The following CSMD2 variants were observed in gnomAD, a reference collection of about 807,000 sequenced individuals.
The protein encoded by CSMD2 is CUB and Sushi multiple domains 2.
Under a neutral mutation model 398.5 loss-of-function variants are expected in CSMD2, and 130 were observed. The ratio of observed to expected loss-of-function variants is 0.33; its 90% CI spans 0.28 to 0.38. The LOEUF is 0.38. Among genes scored for constraint, CSMD2 ranks in the 10% least tolerant of loss-of-function variants. The pLI is 1.00. For missense variants in CSMD2, 3,829 were observed against 4,764.9 expected (o/e 0.80, Z 5.78); for synonymous variants, 1,828 against 1,908.5 (o/e 0.96, Z 1.10).
At chr1:33,592,593 C>A in intron 44 of CSMD2, 2 of 691,554 alleles carry the variant, frequency 2.9e-6, no homozygotes, top group South Asian at 1.6e-5. Flanking sequence ...CTGCAATTCT[C>A]AAACTACCTA....
At chr1:34,065,910 C>G (rs1156654583) in intron 2 of CSMD2, among the ~76,000 whole-genome samples, 1 of 152,080 alleles carries the variant, frequency 6.6e-6, no homozygotes, top group African/African-American at 2.4e-5. Flanking sequence ...TGGCTGTCAT[C>G]AGAAGTTCAG....
chr1:33,583,203 A>G (rs1389450669), intron 47 of CSMD2, among the ~76,000 whole-genome samples: 2 of 152,240 alleles, frequency 1.3e-5, no homozygotes, highest in African/African-American at 4.8e-5. Context: ...TTCTGCTATG[A>G]ATTTTTAGGG....
intron 12 of CSMD2, among the ~76,000 whole-genome samples, chr1:33,788,011 G>A (rs1262745312): frequency 6.6e-6 from 1 of 152,078 alleles, no homozygotes; most frequent in African/African-American, 2.4e-5. Context: ...AAATAAGTGA[G>A]GCCTCTTAAA....
In CSMD2 at chr1:33,537,617, G is replaced by A; in HGVS notation, c.9632-8C>T. 2 of 1,606,174 alleles carry A rather than the reference G, an allele frequency of 1.2e-6. No individual in the cohort carries two copies. The highest frequency in any genetic ancestry group is 1.7e-6 in the Non-Finnish European group (2 of 1,175,514). On this transcript the variant is annotated splice_region_variant and splice_polypyrimidine_tract_variant and intron_variant, in intron 60 of 70. Transcript: ENST00000373381. The surrounding 1 kb of genome is among the most constrained non-coding windows in gnomAD (Gnocchi z 4.6). ...GATCCCCGCAGAACACAGCTGGGAA[G>A]ACGAAGGGAGAAAGGCAGGTCTAAG... is the stretch of plus-strand genomic sequence containing the variant.
intron 28 of CSMD2, among the ~76,000 whole-genome samples, chr1:33,647,954 C>A (rs145326514): frequency 2.0e-5 from 3 of 152,182 alleles, no homozygotes; most frequent in African/African-American, 7.2e-5. Flanking sequence ...AAAGCCAACA[C>A]CATAGACATC....
chr1:33,646,399 T>C (rs1643428150), intron 29 of CSMD2, among the ~76,000 whole-genome samples: 1 of 152,180 alleles, frequency 6.6e-6, no homozygotes, highest in Non-Finnish European at 1.5e-5. Flanking sequence ...GGACTAGTGG[T>C]TGGAAATAGA....
At chr1:34,041,143 CATTT>C (rs1316307719) in intron 2 of CSMD2, among the ~76,000 whole-genome samples, 11 of 152,082 alleles carry the variant, frequency 7.2e-5, no homozygotes, top group African/African-American at 1.2e-4. Flanking sequence ...ATAAATGGGC[CATTT>C]ATTTATTTAT....
At chr1:33,648,810 A>G (rs1003013008) in intron 28 of CSMD2, among the ~76,000 whole-genome samples, 3 of 152,200 alleles carry the variant, frequency 2.0e-5, no homozygotes, top group African/African-American at 7.2e-5. Context: ...CATCCACTTT[A>G]CAGTCCTGAT....
At chr1:33,766,146 C>G (rs546795406) in intron 13 of CSMD2, among the ~76,000 whole-genome samples, 2 of 152,170 alleles carry the variant, frequency 1.3e-5, no homozygotes, top group Non-Finnish European at 2.9e-5. Context: ...CTATAGGAAC[C>G]ATTACAAACC....
At chr1:33,627,874 C>G (rs1395777788) in intron 32 of CSMD2, among the ~76,000 whole-genome samples, 1 of 152,202 alleles carries the variant, frequency 6.6e-6, no homozygotes, top group Non-Finnish European at 1.5e-5. Flanking sequence ...GGATAACGAC[C>G]CTAGTGAGCT....
At chr1:33,797,189 TA>T (rs1321006838) in intron 10 of CSMD2, among the ~76,000 whole-genome samples, 1 of 152,240 alleles carries the variant, frequency 6.6e-6, no homozygotes, top group Non-Finnish European at 1.5e-5. Context: ...TCTTGTGACC[TA>T]CTCCCTGTTC....
At chr1:33,883,844 G>A (rs1182152134) in intron 5 of CSMD2, among the ~76,000 whole-genome samples, 1 of 152,188 alleles carries the variant, frequency 6.6e-6, no homozygotes, top group Admixed American at 6.5e-5. Context: ...GAAGAGATTG[G>A]CAATGGCCAA....
chr1:33,572,708 A>T lies in CSMD2; in HGVS notation c.7577-17T>A. Reference sequence around the variant, plus strand: ...AGGAAAGAGCTAGCAAAAGGAAAACAATGTCATGAGCATTTGTTTTAAGAT... The same window carrying T: ...AGGAAAGAGCTAGCAAAAGGAAAACTATGTCATGAGCATTTGTTTTAAGAT... On this transcript the variant is annotated splice_polypyrimidine_tract_variant and intron_variant, in intron 49 of 70. Transcript: ENST00000373381. The T allele has an allele frequency of 6.3e-7, 1 of 1,590,894 alleles. No individual in the cohort carries two copies. The highest frequency in any genetic ancestry group is 8.6e-7 in the Non-Finnish European group (1 of 1,164,748).
At chr1:33,851,524 G>A (rs1367738679) in intron 5 of CSMD2, among the ~76,000 whole-genome samples, 1 of 152,078 alleles carries the variant, frequency 6.6e-6, no homozygotes, top group African/African-American at 2.4e-5. Context: ...CTTCCCACCT[G>A]TCACCTGCTT....
chr1:33,589,077 T>G (rs554213832), intron 44 of CSMD2, among the ~76,000 whole-genome samples: 19 of 152,352 alleles, frequency 1.2e-4, no homozygotes, highest in Non-Finnish European at 2.2e-4. Context: ...CTCGCTGAAA[T>G]GTATCGTACT....
rs180804621 is a variant in CSMD2 at position 33,648,179 on chromosome 1, G to C, written c.4587-1344C>G. On this transcript the variant is annotated intron_variant, in intron 28 of 70. Coordinates refer to ENST00000373381, the MANE Select transcript of CSMD2 (RefSeq NM_001281956.2). ...AGATCGAGACCATCCTGACTAACAC[G>C]GTGAAACCCCGTCTCTACTAAAAAT... 1.4e-3 allele frequency among the ~76,000 whole-genome samples: 210 copies of C among 152,134 alleles called. 4 individuals are homozygous for C. The East Asian group carries it at 0.035, about 25-fold the overall frequency.
At chr1:33,851,856 G>A (rs76251518) in intron 5 of CSMD2, among the ~76,000 whole-genome samples, 3,217 of 152,212 alleles carry the variant, frequency 0.021, 121 homozygotes, top group African/African-American at 0.073. Context: ...GGGACAAATG[G>A]AAGTTTCTTT....
At chr1:34,096,056 T>C (rs1287712543) in intron 1 of CSMD2, among the ~76,000 whole-genome samples, 1 of 151,732 alleles carries the variant, frequency 6.6e-6, no homozygotes, top group African/African-American at 2.4e-5. Context: ...AAAAAGATTA[T>C]CCACCATGAT....
At chr1:33,876,335 TCATTGCTACTTACTAGC>T (rs1640837732) in intron 5 of CSMD2, among the ~76,000 whole-genome samples, 1 of 152,208 alleles carries the variant, frequency 6.6e-6, no homozygotes, top group Non-Finnish European at 1.5e-5. Context: ...TGGGAATCTG[TCATTGCTACTTACTAGC>T]CATGTGGCCC....
Sources: allele counts gnomAD v4.1 joint callset (sites outside exome capture counted in the v4.1 genomes callset), GRCh38; gene constraint gnomAD v4.1.1; non-coding constraint Gnocchi (gnomAD v3.1); transcripts MANE v1.5; gene names NCBI Gene and HGNC (gene_info 2026-07-23, HGNC 2026-07-21).